The following SAMTOR variants were observed in gnomAD, a reference collection of about 807,000 sequenced individuals.
SAMTOR encodes UPF0532 protein C7orf60.
the SAMTOR span, among the ~76,000 whole-genome samples, chr7:112,882,896 G>C: frequency 6.6e-6 from 1 of 151,252 alleles, no homozygotes; most frequent in South Asian, 2.1e-4. Context: ...AAACTGAACA[G>C]AAATGAACTG....
the SAMTOR span, among the ~76,000 whole-genome samples, chr7:112,842,605 A>T: frequency 2.6e-5 from 4 of 152,030 alleles, no homozygotes; most frequent in Non-Finnish European, 5.9e-5. Context: ...TTTAAAGTAA[A>T]ATAAGTAAAC....
the SAMTOR span, among the ~76,000 whole-genome samples, chr7:112,912,524 C>G: frequency 1.3e-5 from 2 of 151,942 alleles, no homozygotes; most frequent in African/African-American, 2.4e-5. Context: ...AACTGACATG[C>G]TTTTAGAATT....
At chr7:112,926,160 T>C in the SAMTOR span, among the ~76,000 whole-genome samples, 3 of 152,222 alleles carry the variant, frequency 2.0e-5, no homozygotes, top group Middle Eastern at 3.4e-3. Flanking sequence ...GCAGCACTCA[T>C]TTAAAGTGGG....
the SAMTOR span, chr7:112,915,272 G>A: frequency 6.5e-7 from 1 of 1,549,938 alleles, no homozygotes; most frequent in Non-Finnish European, 8.7e-7. Context: ...CAATACATTT[G>A]AAACCAAAAA....
chr7:112,860,396 T>C, the SAMTOR span, among the ~76,000 whole-genome samples: 1 of 152,298 alleles, frequency 6.6e-6, no homozygotes, highest in East Asian at 1.9e-4. Flanking sequence ...CCCTGTTATC[T>C]GATGGTTGAG....
chr7:112,832,231 TC>T, the SAMTOR span, among the ~76,000 whole-genome samples: 1 of 152,038 alleles, frequency 6.6e-6, no homozygotes, highest in Non-Finnish European at 1.5e-5. Context: ...GCCAGGCTGG[TC>T]TCAAACTCCT....
the SAMTOR span, among the ~76,000 whole-genome samples, chr7:112,937,981 A>C: frequency 6.6e-6 from 1 of 151,988 alleles, no homozygotes; most frequent in Non-Finnish European, 1.5e-5. Context: ...TGAATAATGA[A>C]ATTATTAAAA....
At chr7:112,820,568 TTAAAC>T in the SAMTOR span, 4 of 152,398 alleles carry the variant, frequency 2.6e-5, no homozygotes, top group South Asian at 2.1e-4. Context: ...TCTTAACTGT[TTAAAC>T]TAATCTTGTC....
chr7:112,939,515 T>C, the SAMTOR span: 1 of 1,604,822 alleles, frequency 6.2e-7, no homozygotes, highest in Non-Finnish European at 8.5e-7. Context: ...GTGGCCTCTT[T>C]GGAGGAGGGA....
At chr7:112,887,841 T>C in the SAMTOR span, among the ~76,000 whole-genome samples, 1,624 of 152,298 alleles carry the variant, frequency 0.011, 30 homozygotes, top group African/African-American at 0.037. Flanking sequence ...TCTCTTTTCG[T>C]TGGTTAGCTT....
the SAMTOR span, among the ~76,000 whole-genome samples, chr7:112,903,990 C>T: frequency 6.6e-6 from 1 of 151,628 alleles, no homozygotes; most frequent in Non-Finnish European, 1.5e-5. Context: ...CTTTAAAATG[C>T]TAAAGGCATT....
chr7:112,868,020 C>T, the SAMTOR span, among the ~76,000 whole-genome samples: 1 of 152,106 alleles, frequency 6.6e-6, no homozygotes, highest in African/African-American at 2.4e-5. Context: ...GTGGAGTGCT[C>T]CTTATGAGAA....
chr7:112,858,841 G>C, the SAMTOR span, among the ~76,000 whole-genome samples: 1 of 152,130 alleles, frequency 6.6e-6, no homozygotes, highest in African/African-American at 2.4e-5. Flanking sequence ...AAATGAAGCT[G>C]TACTGATATT....
the SAMTOR span, chr7:112,820,418 T>G: frequency 1.3e-5 from 2 of 152,246 alleles, no homozygotes; most frequent in African/African-American, 4.8e-5. Context: ...TCTGAAACTG[T>G]GATATTTCAG....
At chr7:112,902,766 G>A in the SAMTOR span, among the ~76,000 whole-genome samples, 1 of 152,002 alleles carries the variant, frequency 6.6e-6, no homozygotes. Context: ...TGTACTTTCT[G>A]GTCAATTTTA....
the SAMTOR span, chr7:112,821,864 T>C: frequency 6.2e-7 from 1 of 1,613,686 alleles, no homozygotes; most frequent in South Asian, 1.1e-5. Context: ...ATGCTAGTTG[T>C]TCATCTTCTA....
the SAMTOR span, among the ~76,000 whole-genome samples, chr7:112,874,803 A>G: frequency 6.6e-6 from 1 of 152,130 alleles, no homozygotes; most frequent in Middle Eastern, 3.2e-3. Context: ...CACTCAGCAA[A>G]TATTTTTTTG....
chr7:112,824,566 T>A, the SAMTOR span, among the ~76,000 whole-genome samples: 1 of 152,128 alleles, frequency 6.6e-6, no homozygotes, highest in Non-Finnish European at 1.5e-5. Flanking sequence ...TTTCACCATA[T>A]TGGCCAGGCT....
At chr7:112,827,084 T>C in the SAMTOR span, among the ~76,000 whole-genome samples, 1 of 152,236 alleles carries the variant, frequency 6.6e-6, no homozygotes, top group Non-Finnish European at 1.5e-5. Flanking sequence ...TTCTTTGCTC[T>C]GAAATATACT....
Sources: allele counts gnomAD v4.1 joint callset (sites outside exome capture counted in the v4.1 genomes callset), GRCh38; gene constraint gnomAD v4.1.1; transcripts MANE v1.5; gene names NCBI Gene and HGNC (gene_info 2026-07-23, HGNC 2026-07-21).